CARF: variants seen among roughly 807,000 people sequenced by gnomAD.
CARF encodes the protein calcium responsive transcription factor.
CARF carries 57 observed loss-of-function variants against 82.0 expected under a neutral mutation model. The observed-to-expected ratio is 0.70, with a 90% CI of 0.56 to 0.87. The LOEUF (loss-of-function observed/expected upper bound fraction) is 0.87. CARF is among the 40% of genes least tolerant of loss of function. The pLI is 0.00. For missense variants in CARF, 771 were observed against 855.8 expected, an observed-to-expected ratio of 0.90 and a Z score of 1.24; for synonymous variants, 268 against 290.1, an observed-to-expected ratio of 0.92 and a Z score of 0.77.
At chr2:202,915,900 A>G (rs1689545363) in intron 1 of CARF, among the ~76,000 whole-genome samples, 1 of 152,154 alleles carries the variant, frequency 6.6e-6, no homozygotes, top group Admixed American at 6.5e-5. Context: ...GAGCCACTGC[A>G]TCCAGCAGAA....
chr2:202,955,460 A>C (rs1454319167), intron 7 of CARF, among the ~76,000 whole-genome samples: 1 of 152,230 alleles, frequency 6.6e-6, no homozygotes, highest in Non-Finnish European at 1.5e-5. Context: ...TATCTGGAAG[A>C]AGAAATTTAG....
intron 3 of CARF, among the ~76,000 whole-genome samples, chr2:202,927,204 A>T (rs373063363): frequency 6.6e-6 from 1 of 151,922 alleles, no homozygotes; most frequent in East Asian, 1.9e-4. Context: ...TGACATCTGC[A>T]TTATGTCTTT....
chr2:202,955,714 T>C lies in CARF; in HGVS notation c.598T>C (p.Ser200Pro). ...CCTTCTGGGGCCTCTTCAGCCACTT[T>C]CTTCTAATACACCTATATGGGCCTG... ...EPLLGPLQPL[S>P]SNTPIWACRL... Residue 200 changes from serine (S) to proline (P), a missense_variant, in exon 8 of 17, where the codon TCT becomes CCT. Ser to Pro is a moderately conservative substitution (Grantham distance 74, BLOSUM62 -1). Coordinates refer to ENST00000438828, the MANE Select transcript of CARF (RefSeq NM_024744.17). 1 of 1,612,552 alleles carries C rather than the reference T, an allele frequency of 6.2e-7. No homozygotes were observed. Among genetic ancestry groups the C allele is most frequent in the Non-Finnish European group, 8.5e-7 (1 of 1,179,132 alleles).
At position 202,914,952 on chromosome 2, in the gene CARF, T is replaced by A. The variant is rs571461052; in HGVS notation, c.-330+1850T>A. 1.6e-3 allele frequency among the ~76,000 whole-genome samples: 246 copies of A among 152,122 alleles called. 2 individuals are homozygous for A. The highest frequency in any genetic ancestry group is 5.6e-3 in the African/African-American group (231 of 41,516). On this transcript the variant is annotated intron_variant, in intron 1 of 16. Coordinates refer to ENST00000438828, the MANE Select transcript of CARF (RefSeq NM_024744.17). Reference sequence around the variant, plus strand: ...TTTCCCTGAAAATTAAAAAGTGCTTTTTTTTATTTTTTTATTTTTTGAGTT... The same window carrying A: ...TTTCCCTGAAAATTAAAAAGTGCTTATTTTTATTTTTTTATTTTTTGAGTT...
At chr2:202,972,801 C>G (rs771342998) in intron 12 of CARF, among the ~76,000 whole-genome samples, 40 of 151,544 alleles carry the variant, frequency 2.6e-4, no homozygotes, top group Non-Finnish European at 5.0e-4. Flanking sequence ...GTAATCTGAT[C>G]TGAATAACAA....
intron 3 of CARF, among the ~76,000 whole-genome samples, chr2:202,939,770 C>T (rs1346890027): frequency 3.4e-5 from 5 of 146,498 alleles, no homozygotes; most frequent in Admixed American, 1.4e-4. Flanking sequence ...CTCACTGCGG[C>T]CTCAGACTCC....
intron 5 of CARF, among the ~76,000 whole-genome samples, chr2:202,949,413 C>G (rs1043032895): frequency 6.6e-6 from 1 of 151,738 alleles, no homozygotes; most frequent in Non-Finnish European, 1.5e-5. Context: ...ATCATAGCCT[C>G]CAGAGTAGCT....
chr2:202,968,211 G>A (rs1276205997), intron 10 of CARF, among the ~76,000 whole-genome samples: 4 of 152,024 alleles, frequency 2.6e-5, no homozygotes, highest in Admixed American at 1.3e-4. Flanking sequence ...AGACAAGCCT[G>A]GCCAACTGGT....
At chr2:202,951,836 C>CT (rs112347376) in intron 5 of CARF, among the ~76,000 whole-genome samples, 12,943 of 142,336 alleles carry the variant, frequency 0.091, 696 homozygotes, top group Non-Finnish European at 0.13. Flanking sequence ...ATCAAGTTAC[C>CT]TTTTTTTTTT....
chr2:202,934,816 C>G (rs1265982888), intron 3 of CARF, among the ~76,000 whole-genome samples: 2 of 151,918 alleles, frequency 1.3e-5, no homozygotes, highest in African/African-American at 4.8e-5. Flanking sequence ...TGACTCACAT[C>G]TGTAATCCCA....
rs1016791587 is a variant in CARF, at chr2:202,912,661, C to T, written c.-771C>T. On this transcript the variant is annotated 5_prime_UTR_variant, in exon 1 of 17. Coordinates refer to ENST00000438828, the MANE Select transcript of CARF (RefSeq NM_024744.17). ...CCGGCCCGGGACGGGGCTCGCAGGCCCCAGAGGGGCAGGCTGGAGAAGGAG... is the reference window on the plus strand; with the variant it reads ...CCGGCCCGGGACGGGGCTCGCAGGCTCCAGAGGGGCAGGCTGGAGAAGGAG... 5 of 151,518 alleles carry T rather than the reference C, an allele frequency of 3.3e-5. No individual in the cohort carries two copies. Among genetic ancestry groups the T allele is most frequent in the Admixed American group, 2.6e-4 (4 of 15,212 alleles). 9.4% of individuals were successfully genotyped at this position (151,518 alleles called of 1,614,324 possible). A position where few individuals can be genotyped will look rare whatever the true frequency, so the allele number is the denominator to read the frequency against.
chr2:202,983,029 G>A (rs1311861857), intron 16 of CARF, among the ~76,000 whole-genome samples: 1 of 151,978 alleles, frequency 6.6e-6, no homozygotes, highest in African/African-American at 2.4e-5. Context: ...GGGACCACAG[G>A]CACATGCCAC....
At chr2:202,969,707 C>G (rs2059706502) in intron 10 of CARF, among the ~76,000 whole-genome samples, 1 of 151,896 alleles carries the variant, frequency 6.6e-6, no homozygotes, top group African/African-American at 2.4e-5. Flanking sequence ...TCTGTAAGTA[C>G]TTAGATATTT....
intron 13 of CARF, 118 bp downstream of exon 13, chr2:202,974,614 A>C: frequency 2.1e-6 from 2 of 953,728 alleles, no homozygotes; most frequent in Non-Finnish European, 1.5e-6. Context: ...AGCAAATACA[A>C]TAGGCCGGGC....
intron 2 of CARF, among the ~76,000 whole-genome samples, chr2:202,921,243 C>T (rs368892633): frequency 8.5e-5 from 13 of 152,246 alleles, no homozygotes; most frequent in African/African-American, 2.6e-4. Flanking sequence ...CTTTGTGATC[C>T]GCCTGCCTTG....
At chr2:202,919,948 AG>A (rs1690481528) in intron 2 of CARF, among the ~76,000 whole-genome samples, 1 of 152,214 alleles carries the variant, frequency 6.6e-6, no homozygotes, top group Non-Finnish European at 1.5e-5. Flanking sequence ...CTTTTAGCAT[AG>A]TACCTTACTA....
In CARF at chr2:202,954,080, A is replaced by G. The variant is rs200797649; in HGVS notation, c.503A>G (p.Asn168Ser). ...GATACTCTAGCAGACAATACCAGCA[A>G]TTACATTCTTCATCCTCAAACATCC... ...RVDTLADNTS[N>S]YILHPQTSFP... is the part of the protein sequence containing the mutation. The change falls in exon 7 of 17, where the codon AAT (asparagine) becomes AGT (serine). Residue 168 changes from asparagine to serine, a missense_variant. Coordinates refer to ENST00000438828, the MANE Select transcript of CARF (RefSeq NM_024744.17). 8 of 1,613,744 alleles carry G rather than the reference A, an allele frequency of 5.0e-6. No individual in the cohort carries two copies. The highest frequency in any genetic ancestry group is 1.7e-6 in the Non-Finnish European group (2 of 1,179,882).
intron 3 of CARF, among the ~76,000 whole-genome samples, chr2:202,941,500 C>T (rs2058228335): frequency 6.6e-6 from 1 of 152,036 alleles, no homozygotes; most frequent in Non-Finnish European, 1.5e-5. Flanking sequence ...ATACCCAACT[C>T]ATAAAGTTGA....
chr2:202,945,367 T>C (rs1486518954), intron 5 of CARF, among the ~76,000 whole-genome samples: 1 of 152,158 alleles, frequency 6.6e-6, no homozygotes, highest in Non-Finnish European at 1.5e-5. Context: ...ATGCGAAGGT[T>C]TGTTATGTAG....
Sources: gnomAD v4.1 joint callset for allele counts (sites outside exome capture counted in the v4.1 genomes callset) on GRCh38, gnomAD v4.1.1 for gene constraint, MANE v1.5 for transcripts, NCBI Gene and HGNC (gene_info 2026-07-23, HGNC 2026-07-21) for gene names.